The following XYLT1 variants were observed in gnomAD, a reference collection of about 807,000 sequenced individuals.
XYLT1 encodes the protein beta-D-xylosyltransferase 1.
In XYLT1, 36 loss-of-function variants were observed where a neutral mutation model predicts 91.3. That is an observed-to-expected ratio of 0.39 (90% CI 0.30 to 0.52). The LOEUF is 0.52. Ranked by LOEUF, XYLT1 falls within the 20% of genes least tolerant of loss-of-function variation. XYLT1 has a pLI of 0.68. For missense variants in XYLT1, 1,242 were observed against 1,284.5 expected (o/e 0.97, Z 0.51); for synonymous variants, 588 against 532.0 (o/e 1.11, Z -1.45).
intron 1 of XYLT1, among the ~76,000 whole-genome samples, chr16:17,397,558 C>T (rs2035903805): frequency 1.3e-5 from 2 of 152,236 alleles, no homozygotes; most frequent in East Asian, 3.9e-4. Context: ...CCCCCCTTTA[C>T]TCTATGTCTA....
intron 3 of XYLT1, among the ~76,000 whole-genome samples, chr16:17,212,025 C>T (rs369024189): frequency 7.2e-5 from 11 of 152,270 alleles, no homozygotes; most frequent in Admixed American, 6.5e-4. Flanking sequence ...GGGGATAGGG[C>T]GTGGAGAGGC....
chr16:17,124,981 T>G (rs1319582545), intron 10 of XYLT1, among the ~76,000 whole-genome samples: 1 of 152,198 alleles, frequency 6.6e-6, no homozygotes, highest in Non-Finnish European at 1.5e-5. Context: ...TCACTGGAGA[T>G]TTTTCCATTC....
At chr16:17,166,137 A>G (rs530220599) in intron 5 of XYLT1, among the ~76,000 whole-genome samples, 1 of 152,334 alleles carries the variant, frequency 6.6e-6, no homozygotes, top group South Asian at 2.1e-4. Context: ...CGGACCCTGG[A>G]AAACAAAGGA....
At chr16:17,259,636 C>G in intron 2 of XYLT1, 138 bp from the exon 3 acceptor site, 1 of 1,052,090 alleles carries the variant, frequency 9.5e-7, no homozygotes, top group Non-Finnish European at 1.3e-6. Flanking sequence ...ACTGGTTTAA[C>G]CTCTGGTAAG....
At chr16:17,461,597 T>C (rs2036823108) in intron 1 of XYLT1, among the ~76,000 whole-genome samples, 1 of 152,042 alleles carries the variant, frequency 6.6e-6, no homozygotes, top group Non-Finnish European at 1.5e-5. Context: ...GATGGATGAA[T>C]GGACGGATAG....
At chr16:17,242,108 C>G (rs2033353799) in intron 3 of XYLT1, among the ~76,000 whole-genome samples, 1 of 152,192 alleles carries the variant, frequency 6.6e-6, no homozygotes, top group African/African-American at 2.4e-5. Flanking sequence ...TCAATTACCT[C>G]CCACTAGGTC....
chr16:17,130,675 TC>T (rs1194899114), intron 9 of XYLT1, among the ~76,000 whole-genome samples: 7 of 152,106 alleles, frequency 4.6e-5, no homozygotes, highest in African/African-American at 1.7e-4. Flanking sequence ...ACTGCCAGAA[TC>T]CCGGTCAAAG....
chr16:17,350,425 T>G (rs1462645821), intron 2 of XYLT1, among the ~76,000 whole-genome samples: 1 of 152,220 alleles, frequency 6.6e-6, no homozygotes, highest in East Asian at 1.9e-4. Flanking sequence ...TCTCTGAGAA[T>G]GACTCCATGC....
chr16:17,132,367 G>A (rs1012523661), intron 9 of XYLT1, among the ~76,000 whole-genome samples: 2 of 148,596 alleles, frequency 1.3e-5, no homozygotes, highest in South Asian at 4.1e-4. Context: ...GGATGGCTTT[G>A]TTGACTTGAG....
At chr16:17,353,937 TC>T (rs2035256900) in intron 2 of XYLT1, among the ~76,000 whole-genome samples, 1 of 152,184 alleles carries the variant, frequency 6.6e-6, no homozygotes, top group Non-Finnish European at 1.5e-5. Flanking sequence ...TTACTTAGCC[TC>T]TCTGACCCTT....
At chr16:17,236,394 A>T (rs1022631629) in intron 3 of XYLT1, among the ~76,000 whole-genome samples, 8 of 151,596 alleles carry the variant, frequency 5.3e-5, no homozygotes, top group African/African-American at 1.9e-4. Flanking sequence ...TGTTAGAGGG[A>T]CTAAGGAGTG....
At chr16:17,367,590 A>T (rs1386793526) in intron 1 of XYLT1, among the ~76,000 whole-genome samples, 2 of 152,210 alleles carry the variant, frequency 1.3e-5, no homozygotes, top group African/African-American at 4.8e-5. Context: ...GCTGGGTGAG[A>T]TCTCTGTTCC....
intron 9 of XYLT1, among the ~76,000 whole-genome samples, chr16:17,128,657 C>T (rs150703579): frequency 1.2e-3 from 182 of 152,302 alleles, no homozygotes; most frequent in African/African-American, 3.0e-3. Context: ...CACACATGCA[C>T]ATACATGCAA....
intron 11 of XYLT1, among the ~76,000 whole-genome samples, chr16:17,111,534 C>T (rs1966840800): frequency 6.6e-6 from 1 of 152,208 alleles, no homozygotes; most frequent in African/African-American, 2.4e-5. Flanking sequence ...TTCCTGTTTG[C>T]CTGACAGCAG....
chr16:17,333,068 AC>A (rs1032971452), intron 2 of XYLT1, among the ~76,000 whole-genome samples: 2 of 152,028 alleles, frequency 1.3e-5, no homozygotes, highest in Non-Finnish European at 2.9e-5. Flanking sequence ...CTCTCAGGAG[AC>A]TGAGGCCAGG....
chr16:17,115,470 C>G (rs923759023), intron 11 of XYLT1, among the ~76,000 whole-genome samples: 1 of 135,788 alleles, frequency 7.4e-6, no homozygotes, highest in Admixed American at 8.1e-5. Flanking sequence ...GGCAAAAGAG[C>G]CTGACCTAAA....
chr16:17,375,314 G>A (rs1371106133), intron 1 of XYLT1, among the ~76,000 whole-genome samples: 7 of 151,944 alleles, frequency 4.6e-5, no homozygotes, highest in Non-Finnish European at 8.8e-5. Context: ...AAAATTCAAA[G>A]CTAAGATTAG....
intron 4 of XYLT1, among the ~76,000 whole-genome samples, chr16:17,200,191 A>C (rs956279621): frequency 6.6e-6 from 1 of 151,464 alleles, no homozygotes; most frequent in Non-Finnish European, 1.5e-5. Flanking sequence ...ACGGCACTCC[A>C]GCCTGGTGAC....
chr16:17,126,765 C>T (rs77751386), intron 10 of XYLT1, among the ~76,000 whole-genome samples: 90 of 152,286 alleles, frequency 5.9e-4, no homozygotes, highest in African/African-American at 1.9e-3. Context: ...GTGAATAACA[C>T]GCACCAGGCT....
Sources: allele counts gnomAD v4.1 joint callset (sites outside exome capture counted in the v4.1 genomes callset), GRCh38; gene constraint gnomAD v4.1.1; transcripts MANE v1.5; gene names NCBI Gene and HGNC (gene_info 2026-07-23, HGNC 2026-07-21).